HDDC3: variants seen among roughly 807,000 people sequenced by gnomAD.
HDDC3 encodes the protein HD domain containing 3.
HDDC3 carries 18 observed loss-of-function variants against 19.1 expected under a neutral mutation model. That is an observed-to-expected ratio of 0.94 (90% CI 0.65 to 1.40). The LOEUF (loss-of-function observed/expected upper bound fraction) is 1.40. Ranked by LOEUF, HDDC3 falls within the 40% of genes most tolerant of loss-of-function variation. The probability of loss-of-function intolerance (pLI) is 0.00; values close to 1 mark genes in which losing one functional copy is unlikely to be tolerated. For missense variants in HDDC3, 250 were observed against 228.9 expected (o/e 1.09, Z -0.59); for synonymous variants, 107 against 99.4 (o/e 1.08, Z -0.46).
rs2035774956 is a variant in HDDC3, at chr15:90,931,149, C to CT, written c.*125dup. On this transcript the variant is annotated 3_prime_UTR_variant, in exon 4 of 4. Coordinates refer to ENST00000394272, the MANE Select transcript of HDDC3 (RefSeq NM_001286451.2). Reference sequence around the variant, plus strand: ...CTTCAGACTGAGAAAAAATGCAAGTCTTTTTTTGGCCTCTAATATCTGGGA... The same window carrying CT: ...CTTCAGACTGAGAAAAAATGCAAGTCTTTTTTTTGGCCTCTAATATCTGGGA... The CT allele has an allele frequency of 2.5e-6, 3 of 1,202,590 alleles. No homozygotes were observed. Among genetic ancestry groups the CT allele is most frequent in the Non-Finnish European group, 2.3e-6 (2 of 865,962 alleles). The allele number at this position is 1,202,590 out of a possible 1,614,324, so 74.5% of individuals were successfully genotyped here.
chr15:90,930,795 G>C lies in HDDC3; in HGVS notation c.*480C>G, dbSNP rs895449344. The C allele has an allele frequency of 8.0e-5, 14 of 175,246 alleles. No individual in the cohort carries two copies. Among genetic ancestry groups the C allele is most frequent in the African/African-American group, 3.3e-4 (14 of 41,832 alleles). 10.9% of individuals were successfully genotyped at this position (175,246 alleles called of 1,614,324 possible). On this transcript the variant is annotated 3_prime_UTR_variant, in exon 4 of 4. Transcript: ENST00000394272. ...CCCATGTCACTGACAAGGAAGCCAGGTTCGGAGGGGTTGAGGCCCGCAACC... is the reference window on the plus strand; with the variant it reads ...CCCATGTCACTGACAAGGAAGCCAGCTTCGGAGGGGTTGAGGCCCGCAACC...
In HDDC3 at chr15:90,930,531, AT is replaced by A. The variant is rs981385882; in HGVS notation, c.*743del. On this transcript the variant is annotated 3_prime_UTR_variant, in exon 4 of 4. Coordinates refer to ENST00000394272, the MANE Select transcript of HDDC3 (RefSeq NM_001286451.2). ...AGGCGCGAGCCACTGCGCCCGGCTA[AT>A]TTTTTTTTGTATTTTTAGTAGAGAC... 3.3e-5 allele frequency: 5 copies of A among 151,416 alleles called. No homozygotes were observed. Among genetic ancestry groups the A allele is most frequent in the South Asian group, 2.1e-4 (1 of 4,822 alleles). The allele number at this position is 151,416 out of a possible 1,614,324, so 9.4% of individuals were successfully genotyped here.
chr15:90,931,902 G>C lies in HDDC3; in HGVS notation c.211C>G (p.Leu71Val), dbSNP rs572934314. The change falls in exon 3 of 4, where the codon CTG becomes GTG. Residue 71 changes from leucine (L) to valine (V), a missense_variant. Transcript: ENST00000394272. ...CCAAAGTGTAGCTCCACCTCATCCA[G>C]GGTGGTGTCTGTGTCCTCCACCGTG... The part of the protein sequence containing the change: ...HDTVEDTDTT[L>V]DEVELHFGAQ... The C allele has an allele frequency of 7.4e-6, 12 of 1,614,034 alleles. No homozygotes were observed. The African/African-American group carries it at 1.5e-4, about 20-fold the overall frequency.
chr15:90,931,990 G>A lies in HDDC3; in HGVS notation c.169-46C>T, dbSNP rs371163282. 9.3e-6 allele frequency: 15 copies of A among 1,613,766 alleles called. No individual in the cohort carries two copies. The African/African-American group carries it at 1.5e-4, about 16-fold the overall frequency. On this transcript the variant is annotated intron_variant, in intron 2 of 3. Transcript: ENST00000394272. Reference sequence around the variant, plus strand: ...AGCCCTGAGATGTCAGCCAAGGGTTGCCCATTGCTGAATGGGGCCCCTAAT... The same window carrying A: ...AGCCCTGAGATGTCAGCCAAGGGTTACCCATTGCTGAATGGGGCCCCTAAT...
chr15:90,931,953 A>T lies in HDDC3; in HGVS notation c.169-9T>A. 3 of 1,613,770 alleles carry T rather than the reference A, an allele frequency of 1.9e-6. No individual in the cohort carries two copies. The highest frequency in any genetic ancestry group is 2.5e-6 in the Non-Finnish European group (3 of 1,179,834). ...TCATGGAGCAGGGCCGCCTGGGGAC[A>T]AGTTCCCACTCAGCCCTGAGATGTC... On this transcript the variant is annotated splice_polypyrimidine_tract_variant and intron_variant, in intron 2 of 3. Coordinates refer to ENST00000394272, the MANE Select transcript of HDDC3 (RefSeq NM_001286451.2).
Position 90,931,088 on chromosome 15 carries a change from C to T in HDDC3, c.*187G>A, listed in dbSNP as rs1432773090. The T allele has an allele frequency of 1.6e-6, 1 of 635,668 alleles. No individual in the cohort carries two copies. Among genetic ancestry groups the T allele is most frequent in the Non-Finnish European group, 2.7e-6 (1 of 375,574 alleles). The allele number at this position is 635,668 out of a possible 1,614,324, so 39.4% of individuals were successfully genotyped here. On this transcript the variant is annotated 3_prime_UTR_variant, in exon 4 of 4. Transcript: ENST00000394272. ...CAGAAATGGATGGGTACATCTGATT[C>T]CCACCACGCGGGGCTCAGCTTAGTT...
chr15:90,932,060 ACAC>A lies in HDDC3; in HGVS notation c.160_162del (p.Val54del), dbSNP rs752839383. 1 of 1,613,154 alleles carries A rather than the reference ACAC, an allele frequency of 6.2e-7. No homozygotes were observed. Among genetic ancestry groups the A allele is most frequent in the South Asian group, 1.1e-5 (1 of 90,918 alleles). On this transcript the variant is annotated inframe_deletion, in exon 2 of 4. Coordinates refer to ENST00000394272, the MANE Select transcript of HDDC3 (RefSeq NM_001286451.2). ...CAGAGAAGGGGGAAAGTTACCTGTA[ACAC>A]CACAATGTCAGTGATTCCCGCCTCG...
rs1052532 is a variant in HDDC3, at chr15:90,931,006, T to C, written c.*269A>G. 123,559 of 432,316 alleles carry C rather than the reference T, an allele frequency of 0.29. 19,312 individuals are homozygous for C. Among genetic ancestry groups the C allele is most frequent in the East Asian group, 0.56 (12,388 of 21,964 alleles). 26.8% of individuals were successfully genotyped at this position (432,316 alleles called of 1,614,324 possible). Reference sequence around the variant, plus strand: ...TCTCAAGTCCCTGAGGGGCCAGAGATCCCACCATGCAAAATAGCAAACAGA... The same window carrying C: ...TCTCAAGTCCCTGAGGGGCCAGAGACCCCACCATGCAAAATAGCAAACAGA... On this transcript the variant is annotated 3_prime_UTR_variant, in exon 4 of 4. Transcript: ENST00000394272.
chr15:90,931,639 C>A, intron 3 of HDDC3, 65 bp downstream of exon 3: 1 of 1,613,890 alleles, frequency 6.2e-7, no homozygotes, highest in South Asian at 1.1e-5. Flanking sequence ...GGGAACTGAC[C>A]AACATGTGTC....
intron 3 of HDDC3, 58 bp downstream of exon 3, chr15:90,931,646 T>G: frequency 6.2e-7 from 1 of 1,614,042 alleles, no homozygotes; most frequent in Non-Finnish European, 8.5e-7. Flanking sequence ...GACCAACATG[T>G]GTCTTCAGAA....
At position 90,931,410 on chromosome 15, in the gene HDDC3, A is replaced by AT. The variant is rs776145083; in HGVS notation, c.410-6dup. 112 of 1,591,758 alleles carry AT rather than the reference A, an allele frequency of 7.0e-5. No individual in the cohort carries two copies. The African/African-American group carries it at 1.4e-3, about 20-fold the overall frequency. ...GGACTCGATGTTCTGACCATCCTGC[A>AT]TAAGAGTCGACAGAAACTTGCTAGC... is the stretch of plus-strand genomic sequence containing the variant. On this transcript the variant is annotated splice_region_variant and splice_polypyrimidine_tract_variant and intron_variant, in intron 3 of 3. Transcript: ENST00000394272.
Position 90,932,435 on chromosome 15 carries a change from G to A in HDDC3, c.106C>T (p.Pro36Ser). The change falls in exon 1 of 4, where the codon CCC (proline) becomes TCC (serine). Residue 36 changes from proline (P) to serine (S), a missense_variant. Pro to Ser is a moderately conservative substitution (Grantham distance 74, BLOSUM62 -1). Coordinates refer to ENST00000394272, the MANE Select transcript of HDDC3 (RefSeq NM_001286451.2). ...DPEGTPYINH[P>S]IGVARILTHE... ...CCGCGGCCGACGCGCCCACCGATGG[G>A]GTGGTTGATGTAGGGGGTCCCCTCG... The A allele has an allele frequency of 1.5e-6, 2 of 1,364,684 alleles. No homozygotes were observed. Among genetic ancestry groups the A allele is most frequent in the Non-Finnish European group, 1.9e-6 (2 of 1,060,460 alleles). The allele number at this position is 1,364,684 out of a possible 1,614,324, so 84.5% of individuals were successfully genotyped here.
At position 90,931,225 on chromosome 15, in the gene HDDC3, C is replaced by G. The variant is rs1279690736; in HGVS notation, c.*50G>C. The G allele has an allele frequency of 6.5e-7, 1 of 1,546,532 alleles. No individual in the cohort carries two copies. The stretch of plus-strand genomic sequence containing the variant: ...AGAAAAGATGGCGTATGAATCCTGT[C>G]CGGCCTGAACGAGGCTGGAGTTGTG... On this transcript the variant is annotated 3_prime_UTR_variant, in exon 4 of 4. Transcript: ENST00000394272.
In HDDC3 at chr15:90,932,123, G is replaced by T. The variant is rs549390607; in HGVS notation, c.113-13C>A. The T allele has an allele frequency of 1.3e-6, 2 of 1,580,326 alleles. No homozygotes were observed. Among genetic ancestry groups the T allele is most frequent in the East Asian group, 4.5e-5 (2 of 44,514 alleles). On this transcript the variant is annotated splice_polypyrimidine_tract_variant and intron_variant, in intron 1 of 3. Transcript: ENST00000394272. ...ATCCGTGCCACACCTGACGGGGAGG[G>T]GCAAAGCAGGAAGTCAGGTCGGAGG...
chr15:90,931,215 T>A lies in HDDC3; in HGVS notation c.*60A>T. The A allele has an allele frequency of 6.5e-7, 1 of 1,537,252 alleles. No homozygotes were observed. On this transcript the variant is annotated 3_prime_UTR_variant, in exon 4 of 4. Coordinates refer to ENST00000394272, the MANE Select transcript of HDDC3 (RefSeq NM_001286451.2). ...CAGGAGACACAGAAAAGATGGCGTA[T>A]GAATCCTGTCCGGCCTGAACGAGGC... is the stretch of plus-strand genomic sequence containing the variant.
chr15:90,931,070 G>C lies in HDDC3; in HGVS notation c.*205C>G, dbSNP rs1419396051. 1.7e-6 allele frequency: 1 copy of C among 582,140 alleles called. No individual in the cohort carries two copies. Among genetic ancestry groups the C allele is most frequent in the Non-Finnish European group, 3.0e-6 (1 of 332,274 alleles). The allele number at this position is 582,140 out of a possible 1,614,324, so 36.1% of individuals were successfully genotyped here. A position where few individuals can be genotyped will look rare whatever the true frequency, so the allele number is the denominator to read the frequency against. On this transcript the variant is annotated 3_prime_UTR_variant, in exon 4 of 4. Coordinates refer to ENST00000394272, the MANE Select transcript of HDDC3 (RefSeq NM_001286451.2). ...GAGAGGCGGTGAGTGCATCAGAAATGGATGGGTACATCTGATTCCCACCAC... is the reference window on the plus strand; with the variant it reads ...GAGAGGCGGTGAGTGCATCAGAAATCGATGGGTACATCTGATTCCCACCAC...
intron 3 of HDDC3, 46 bp downstream of exon 3, chr15:90,931,658 G>C (rs974810102): frequency 1.9e-6 from 3 of 1,613,910 alleles, no homozygotes. Context: ...TCTTCAGAAG[G>C]CGGCATCCCC....
Position 90,931,752 on chromosome 15 carries a change from C to T in HDDC3, c.361G>A (p.Ala121Thr), listed in dbSNP as rs1215151015. 2 of 1,614,048 alleles carry T rather than the reference C, an allele frequency of 1.2e-6. No individual in the cohort carries two copies. Among genetic ancestry groups the T allele is most frequent in the Non-Finnish European group, 1.7e-6 (2 of 1,180,040 alleles). The change falls in exon 3 of 4, where the codon GCA (alanine) becomes ACA (threonine). Residue 121 changes from alanine to threonine, a missense_variant. Ala to Thr is a moderately conservative substitution (Grantham distance 58, BLOSUM62 0). Transcript: ENST00000394272. ...SSPGAKLVKL[A>T]DKLYNLRDLN... ...TCCCTCAGATTGTACAGCTTGTCTGCCAGCTTCACCAGTTTGGCCCCGGGG... is the reference window on the plus strand; with the variant it reads ...TCCCTCAGATTGTACAGCTTGTCTGTCAGCTTCACCAGTTTGGCCCCGGGG...
chr15:90,931,440 T>C, intron 3 of HDDC3, 35 bp from the exon 4 acceptor site: 2 of 1,611,772 alleles, frequency 1.2e-6, no homozygotes, highest in Non-Finnish European at 1.7e-6. Flanking sequence ...GCTAGCGTGA[T>C]GTCAAGGAAA....
Sources: gnomAD v4.1 joint callset for allele counts on GRCh38, gnomAD v4.1.1 for gene constraint, MANE v1.5 for transcripts, NCBI Gene and HGNC (gene_info 2026-07-23, HGNC 2026-07-21) for gene names.